Variants in DDTL observed in about 807,000 individuals in gnomAD.
The protein encoded by DDTL is putative D-dopachrome decarboxylase-like protein.
Under a neutral mutation model 1.1 loss-of-function variants are expected in DDTL, and 1 was observed. The observed-to-expected ratio is 0.91, with a 90% CI of 0.32 to 4.31. The LOEUF (loss-of-function observed/expected upper bound fraction) is 4.31, where lower values mean the gene tolerates loss of function less well. DDTL is among the 30% of genes most tolerant of loss of function. DDTL has a pLI of 0.17. For missense variants in DDTL, 54 were observed against 48.9 expected (o/e 1.10, Z -0.31); for synonymous variants, 21 against 16.6 (o/e 1.26, Z -0.64).
At chr22:23,969,309 G>T (rs76904099) in intron 2 of DDTL, 1 of 984,794 alleles carries the variant, frequency 1.0e-6, no homozygotes, top group South Asian at 4.7e-5. Flanking sequence ...CATTAGTGGT[G>T]GGGGGGCCAC....
intron 2 of DDTL, among the ~76,000 whole-genome samples, chr22:23,970,985 C>T (rs375980077): frequency 2.7e-5 from 4 of 150,906 alleles, no homozygotes; most frequent in African/African-American, 9.7e-5. Flanking sequence ...GGAAAACCAG[C>T]GACCAACCCC....
intron 2 of DDTL, 65 bp from the exon 3 acceptor site, chr22:23,971,221 G>C (rs916907568): frequency 6.5e-7 from 1 of 1,548,294 alleles, no homozygotes; most frequent in Non-Finnish European, 8.7e-7. Context: ...TGGGTGTGGA[G>C]AGCAGAGCCT....
At chr22:23,970,191 G>A (rs954322830) in intron 2 of DDTL, among the ~76,000 whole-genome samples, 1 of 152,218 alleles carries the variant, frequency 6.6e-6, no homozygotes, top group African/African-American at 2.4e-5. Flanking sequence ...GAACTAGCAA[G>A]GTGAGGACTG....
intron 2 of DDTL, among the ~76,000 whole-genome samples, chr22:23,970,584 A>T (rs945716966): frequency 6.6e-6 from 1 of 151,782 alleles, no homozygotes; most frequent in Non-Finnish European, 1.5e-5. Flanking sequence ...ACTTTGTTGG[A>T]TGTGAGTGAA....
intron 2 of DDTL, among the ~76,000 whole-genome samples, chr22:23,970,484 ATGAC>A (rs2033881310): frequency 6.6e-6 from 1 of 151,768 alleles, no homozygotes; most frequent in African/African-American, 2.4e-5. Context: ...GAACTGTGTG[ATGAC>A]TATGAATGTC....
chr22:23,970,284 G>T (rs1569029217), intron 2 of DDTL, among the ~76,000 whole-genome samples: 1 of 152,160 alleles, frequency 6.6e-6, no homozygotes, highest in African/African-American at 2.4e-5. Context: ...AGTGAATTGT[G>T]TGTTTATGTG....
In DDTL at chr22:23,971,704, T is replaced by C; in HGVS notation, c.*298T>C. Reference sequence around the variant, plus strand: ...CAAGACCCCTGCCAGGTACTCCCACTGTGGGTACTCAGGACAGCCTGCCTC... The same window carrying C: ...CAAGACCCCTGCCAGGTACTCCCACCGTGGGTACTCAGGACAGCCTGCCTC... On this transcript the variant is annotated 3_prime_UTR_variant, in exon 3 of 3. Coordinates refer to ENST00000215770, the MANE Select transcript of DDTL (RefSeq NM_001084393.2). The C allele has an allele frequency of 7.6e-7, 1 of 1,321,620 alleles. No individual in the cohort carries two copies. Among genetic ancestry groups the C allele is most frequent in the Non-Finnish European group, 1.1e-6 (1 of 941,600 alleles). 81.9% of individuals were successfully genotyped at this position (1,321,620 alleles called of 1,614,324 possible).
chr22:23,971,310 C>A lies in DDTL; in HGVS notation c.309C>A (p.Ser103Arg). ...GGTTCCCTACGGTCTTATCCACCAGCCCTGCTGCCCATGGTGGCCCCAGAT... is the reference window on the plus strand; with the variant it reads ...GGTTCCCTACGGTCTTATCCACCAGACCTGCTGCCCATGGTGGCCCCAGAT... ...QDRFPTVLST[S>R]PAAHGGPRCP... is the part of the protein sequence containing the mutation. Residue 103 changes from serine (S) to arginine (R), a missense_variant, in exon 3 of 3, where the codon AGC becomes AGA. Ser to Arg is a moderately radical substitution (Grantham distance 110). Coordinates refer to ENST00000215770, the MANE Select transcript of DDTL (RefSeq NM_001084393.2). The A allele has an allele frequency of 1.9e-6, 3 of 1,614,042 alleles. No homozygotes were observed. Among genetic ancestry groups the A allele is most frequent in the Non-Finnish European group, 2.5e-6 (3 of 1,179,944 alleles).
rs2033920938 is a variant in DDTL at position 23,972,253 on chromosome 22, GTGTAAAGTACC to G, written c.*852_*862del. 1 of 962,528 alleles carries G rather than the reference GTGTAAAGTACC, an allele frequency of 1.0e-6. No homozygotes were observed. The highest frequency in any genetic ancestry group is 1.8e-5 in the African/African-American group (1 of 56,280). The allele number at this position is 962,528 out of a possible 1,614,324, so 59.6% of individuals were successfully genotyped here. A position where few individuals can be genotyped will look rare whatever the true frequency, so the allele number is the denominator to read the frequency against. ...TTGTAAGGATCAAATGGGATCATGA[GTGTAAAGTACC>G]TGTAGAGGACCTAGCACATGGTAAG... On this transcript the variant is annotated 3_prime_UTR_variant, in exon 3 of 3. Coordinates refer to ENST00000215770, the MANE Select transcript of DDTL (RefSeq NM_001084393.2).
At chr22:23,970,961 G>C (rs919081230) in intron 2 of DDTL, among the ~76,000 whole-genome samples, 4 of 151,168 alleles carry the variant, frequency 2.6e-5, no homozygotes, top group African/African-American at 9.7e-5. Context: ...GGGCAGACTG[G>C]GGACCCTGCT....
At position 23,971,513 on chromosome 22, in the gene DDTL, A is replaced by T; in HGVS notation, c.*107A>T. 1 of 1,612,170 alleles carries T rather than the reference A, an allele frequency of 6.2e-7. No individual in the cohort carries two copies. Among genetic ancestry groups the T allele is most frequent in the South Asian group, 1.1e-5 (1 of 90,920 alleles). On this transcript the variant is annotated 3_prime_UTR_variant, in exon 3 of 3. Transcript: ENST00000215770. ...GCCAAGAGATCTCTCTGGAAGAAGC[A>T]GCCAGTTCACAGATGCCCTGGATCC...
Position 23,969,411 on chromosome 22 carries a change from CAGACTGACAG to C in DDTL, c.284+1854_285-1862del, listed in dbSNP as rs972154667. 128 of 985,840 alleles carry C rather than the reference CAGACTGACAG, an allele frequency of 1.3e-4. No individual in the cohort carries two copies. In the African/African-American group the frequency reaches 2.1e-3, roughly 16 times the overall value. 61.1% of individuals were successfully genotyped at this position (985,840 alleles called of 1,614,324 possible). A position where few individuals can be genotyped will look rare whatever the true frequency, so the allele number is the denominator to read the frequency against. On this transcript the variant is annotated intron_variant, in intron 2 of 2. Coordinates refer to ENST00000215770, the MANE Select transcript of DDTL (RefSeq NM_001084393.2). ...AGGAGGCAGATTGCCCCTCAGCCCACAGACTGACAGAGATGATGGAGTGTGCAGCACACAC... is the reference window on the plus strand; with the variant it reads ...AGGAGGCAGATTGCCCCTCAGCCCACAGATGATGGAGTGTGCAGCACACAC...
rs374471118 is a variant in DDTL, at chr22:23,970,634, C to CTG, written c.285-646_285-645dup. Among the ~76,000 whole-genome samples, 470 of 152,072 alleles carry CTG rather than the reference C, an allele frequency of 3.1e-3. 5 individuals carry two copies. Among genetic ancestry groups the CTG allele is most frequent in the East Asian group, 0.03 (157 of 5,174 alleles). On this transcript the variant is annotated intron_variant, in intron 2 of 2. Transcript: ENST00000215770. ...GTATATGTGTGTGTACATGAGTTAA[C>CTG]TGTGTGTAAATGGTATGATTGTATA...
intron 2 of DDTL, 22 bp from the exon 3 acceptor site, chr22:23,971,264 A>T (rs1440198440): frequency 6.3e-7 from 1 of 1,599,048 alleles, no homozygotes; most frequent in South Asian, 1.1e-5. Flanking sequence ...AGATCTGAGC[A>T]GTCTAAATCA....
intron 2 of DDTL, among the ~76,000 whole-genome samples, chr22:23,970,300 GTA>G (rs1444852296): frequency 2.0e-5 from 3 of 152,286 alleles, no homozygotes; most frequent in South Asian, 2.1e-4. Context: ...ATGTGTGGGT[GTA>G]TATGTGTGTG....
chr22:23,972,043 T>A lies in DDTL; in HGVS notation c.*637T>A. 2.3e-6 allele frequency: 1 copy of A among 434,938 alleles called. No individual in the cohort carries two copies. Among genetic ancestry groups the A allele is most frequent in the Non-Finnish European group, 3.1e-6 (1 of 325,436 alleles). 26.9% of individuals were successfully genotyped at this position (434,938 alleles called of 1,614,324 possible). A position where few individuals can be genotyped will look rare whatever the true frequency, so the allele number is the denominator to read the frequency against. The stretch of plus-strand genomic sequence containing the variant: ...CCGCCACTAATGTCTGGGCCATAAG[T>A]GAACATGCCCCTCTCAGAGGTAACA... On this transcript the variant is annotated 3_prime_UTR_variant, in exon 3 of 3. Transcript: ENST00000215770.
intron 2 of DDTL, chr22:23,969,913 GT>G (rs2033867905): frequency 1.0e-6 from 1 of 969,660 alleles, no homozygotes; most frequent in African/African-American, 1.8e-5. Context: ...GTAGGTGGCA[GT>G]AAGTCTGGGA....
intron 2 of DDTL, chr22:23,969,722 G>A (rs1482744124): frequency 5.1e-6 from 5 of 980,658 alleles, no homozygotes; most frequent in Non-Finnish European, 6.1e-6. Flanking sequence ...GGGAGGCTGA[G>A]GCAGAAGGTT....
Position 23,971,303 on chromosome 22 carries a change from C to T in DDTL, c.302C>T (p.Ser101Phe), listed in dbSNP as rs773952774. The change falls in exon 3 of 3, where the codon TCC becomes TTC. Residue 101 changes from serine (S) to phenylalanine (F), a missense_variant. Physicochemically the swap from Ser to Phe is radical, Grantham distance 155. Transcript: ENST00000215770. The stretch of plus-strand genomic sequence containing the variant: ...CCCTCCAGGTTCCCTACGGTCTTAT[C>T]CACCAGCCCTGCTGCCCATGGTGGC... ...LGQDRFPTVL[S>F]TSPAAHGGPR... The T allele has an allele frequency of 1.2e-6, 2 of 1,613,124 alleles. No individual in the cohort carries two copies. The highest frequency in any genetic ancestry group is 2.2e-5 in the East Asian group (1 of 44,720).
Sources: gnomAD v4.1 joint callset for allele counts (sites outside exome capture counted in the v4.1 genomes callset) on GRCh38, gnomAD v4.1.1 for gene constraint, MANE v1.5 for transcripts, NCBI Gene and HGNC (gene_info 2026-07-23, HGNC 2026-07-21) for gene names.